Variants in DMD observed in about 807,000 individuals in gnomAD.
DMD encodes the protein dystrophin.
In DMD, 63 loss-of-function variants were observed where a neutral mutation model predicts 330.1. That is an observed-to-expected ratio of 0.19 (90% CI 0.16 to 0.24). The LOEUF is 0.24. Among genes scored for constraint, DMD ranks in the 10% least tolerant of loss-of-function variants. The pLI, the probability that DMD is intolerant of heterozygous loss-of-function variation, is 1.00. For missense variants in DMD, 3,344 were observed against 2,684.1 expected (o/e 1.25, Z -5.43); for synonymous variants, 1,223 against 959.8 (o/e 1.27, Z -5.07).
intron 39 of DMD, among the ~76,000 whole-genome samples, chrX:32,345,087 C>T (rs7884202): frequency 0.18 from 19,436 of 110,350 alleles, 1,535 homozygotes; most frequent in African/African-American, 0.29. Flanking sequence ...AAGCAGACTC[C>T]ATCTACCTGC....
chrX:31,735,550 C>A (rs1488135355), intron 51 of DMD, among the ~76,000 whole-genome samples: 1 of 112,080 alleles, frequency 8.9e-6, no homozygotes, highest in Non-Finnish European at 1.9e-5. Context: ...AGATGCAATT[C>A]AAGTAAATAT....
chrX:31,721,710 CTCTCTCTCTATATATATA>C (rs1235320328), intron 52 of DMD, among the ~76,000 whole-genome samples: 1 of 54,733 alleles, frequency 1.8e-5, no homozygotes, highest in Non-Finnish European at 3.1e-5. Flanking sequence ...CTCTCTCTCT[CTCTCTCTCTATATATATA>C]TATATATATA....
chrX:32,642,027 T>C (rs2059498494), intron 11 of DMD, among the ~76,000 whole-genome samples: 1 of 109,851 alleles, frequency 9.1e-6, no homozygotes. Flanking sequence ...ATAATGACAA[T>C]ACCCTCTTTT....
chrX:31,980,219 A>G (rs1439240404), intron 44 of DMD, among the ~76,000 whole-genome samples: 1 of 112,014 alleles, frequency 8.9e-6, no homozygotes, highest in Non-Finnish European at 1.9e-5. Flanking sequence ...ATGAAAACAT[A>G]TGCTCACAAA....
intron 2 of DMD, among the ~76,000 whole-genome samples, chrX:32,985,808 C>T (rs949596283): frequency 8.1e-5 from 9 of 111,391 alleles, no homozygotes; most frequent in Admixed American, 1.9e-4. Context: ...TAGCTTATTC[C>T]AATTAATTGT....
At chrX:32,165,656 G>A (rs1468070862) in intron 44 of DMD, among the ~76,000 whole-genome samples, 6 of 111,883 alleles carry the variant, frequency 5.4e-5, no homozygotes, top group Non-Finnish European at 1.1e-4. Flanking sequence ...AGGCATGATT[G>A]GTTTTGAAAT....
intron 50 of DMD, among the ~76,000 whole-genome samples, chrX:31,794,182 TTAA>T (rs2091711030): frequency 8.9e-6 from 1 of 111,848 alleles, no homozygotes; most frequent in Admixed American, 9.5e-5. Context: ...TTGGGCATCA[TTAA>T]TAAAGCCCAC....
At chrX:33,165,860 A>G (rs765721608) in intron 1 of DMD, among the ~76,000 whole-genome samples, 1 of 112,005 alleles carries the variant, frequency 8.9e-6, no homozygotes, top group South Asian at 3.7e-4. Context: ...AAGTAAGAAG[A>G]GGAAGAAAAC....
At chrX:33,337,097 G>A (rs1264121342) in intron 1 of DMD, among the ~76,000 whole-genome samples, 2 of 111,169 alleles carry the variant, frequency 1.8e-5, no homozygotes, top group African/African-American at 6.5e-5. Flanking sequence ...CACAGTTTGG[G>A]GATTCCAGTG....
At position 31,280,769 on chromosome X, in the gene DMD, C is replaced by T. The variant is rs760642412; in HGVS notation, c.9225-19753G>A. The stretch of plus-strand genomic sequence containing the variant: ...CTGTCAGTTCCCTTCTGATTAATTC[C>T]GAAAATATCAAAACATTAGATTCAC... On this transcript the variant is annotated intron_variant, in intron 62 of 78. Transcript: ENST00000357033. Among the ~76,000 whole-genome samples the T allele has an allele frequency of 1.1e-4, 12 of 111,389 alleles. No homozygotes were observed. In the South Asian group the frequency reaches 1.5e-3, roughly 14 times the overall value.
At chrX:32,888,973 G>A (rs771170636) in intron 2 of DMD, among the ~76,000 whole-genome samples, 15 of 109,481 alleles carry the variant, frequency 1.4e-4, no homozygotes, top group Non-Finnish European at 2.5e-4. Context: ...CTCCGTCTCT[G>A]AGCCTAGATA....
intron 30 of DMD, among the ~76,000 whole-genome samples, chrX:32,400,441 C>A (rs1022118643): frequency 2.7e-5 from 3 of 110,843 alleles, no homozygotes; most frequent in Non-Finnish European, 3.8e-5. Context: ...TGTCTCTGCC[C>A]GGCTTTGGTA....
intron 60 of DMD, among the ~76,000 whole-genome samples, chrX:31,433,681 A>T: frequency 9.1e-6 from 1 of 109,695 alleles, no homozygotes. Flanking sequence ...CTGGTCTCGA[A>T]CTCCTAACCT....
intron 60 of DMD, among the ~76,000 whole-genome samples, chrX:31,386,214 CA>C (rs1276695297): frequency 7.2e-5 from 8 of 110,720 alleles, no homozygotes; most frequent in African/African-American, 2.3e-4. Context: ...CATCACACAC[CA>C]GGGACTGTTT....
At chrX:33,321,354 C>T (rs764872615) in intron 1 of DMD, among the ~76,000 whole-genome samples, 1 of 111,393 alleles carries the variant, frequency 9.0e-6, no homozygotes, top group South Asian at 3.8e-4. Context: ...ATGAAAACAA[C>T]ATGAGTCTCC....
At chrX:31,886,262 A>C (rs2094152923) in intron 47 of DMD, among the ~76,000 whole-genome samples, 1 of 111,589 alleles carries the variant, frequency 9.0e-6, no homozygotes, top group Admixed American at 9.5e-5. Flanking sequence ...TACATGTAAA[A>C]AAATTGAACT....
intron 62 of DMD, among the ~76,000 whole-genome samples, chrX:31,267,103 A>AAGAGAAAG (rs2051233610): frequency 2.2e-5 from 2 of 91,323 alleles, no homozygotes; most frequent in South Asian, 8.4e-4. Context: ...GGAAAAAGAA[A>AAGAGAAAG]AGAGAAAGAA....
chrX:31,637,313 AG>A (rs2079473728), intron 54 of DMD, among the ~76,000 whole-genome samples: 1 of 112,022 alleles, frequency 8.9e-6, no homozygotes, highest in Admixed American at 9.5e-5. Flanking sequence ...TTTAATTACC[AG>A]GGTGAAAAAT....
At chrX:31,575,659 T>C (rs1043750458) in intron 55 of DMD, among the ~76,000 whole-genome samples, 8 of 112,090 alleles carry the variant, frequency 7.1e-5, no homozygotes, top group African/African-American at 2.3e-4. Flanking sequence ...GCCAAGCTTA[T>C]TGTAAGGCAT....
Sources: gnomAD v4.1 joint callset for allele counts (sites outside exome capture counted in the v4.1 genomes callset) on GRCh38, gnomAD v4.1.1 for gene constraint, MANE v1.5 for transcripts, NCBI Gene and HGNC (gene_info 2026-07-23, HGNC 2026-07-21) for gene names.